ITFG1: variants seen among roughly 807,000 people sequenced by gnomAD.
The protein encoded by ITFG1 is integrin alpha FG-GAP repeat containing 1.
ITFG1 carries 34 observed loss-of-function variants against 81.8 expected under a neutral mutation model. That is an observed-to-expected ratio of 0.42 (90% CI 0.32 to 0.55). The LOEUF is 0.55. Ranked by LOEUF, ITFG1 falls within the 20% of genes least tolerant of loss-of-function variation. The pLI, the probability that ITFG1 is intolerant of heterozygous loss-of-function variation, is 0.17. For missense variants in ITFG1, 672 were observed against 755.4 expected (o/e 0.89, Z 1.29); for synonymous variants, 285 against 270.6 (o/e 1.05, Z -0.52).
rs569274796 is a variant in ITFG1, at chr16:47,382,340, C to T, written c.656-6400G>A. On this transcript the variant is annotated intron_variant, in intron 6 of 17. Transcript: ENST00000320640. Reference sequence around the variant, plus strand: ...TAATTTAGTAAGATGATATCAGAAACGTGCTTGAATTGTTCCCCATTCACA... The same window carrying T: ...TAATTTAGTAAGATGATATCAGAAATGTGCTTGAATTGTTCCCCATTCACA... 3.0e-4 allele frequency among the ~76,000 whole-genome samples: 45 copies of T among 152,296 alleles called. No individual in the cohort carries two copies. The Middle Eastern group carries it at 0.017, about 58-fold the overall frequency.
At chr16:47,286,725 T>C (rs1478001195) in intron 10 of ITFG1, among the ~76,000 whole-genome samples, 1 of 151,874 alleles carries the variant, frequency 6.6e-6, no homozygotes, top group Non-Finnish European at 1.5e-5. Flanking sequence ...AGGAAATAGG[T>C]CCTTAAGTCC....
intron 9 of ITFG1, chr16:47,313,155 G>T (rs1216622706): frequency 6.6e-6 from 1 of 152,244 alleles, no homozygotes; most frequent in Non-Finnish European, 1.5e-5. Context: ...ACTGTGTGAA[G>T]ATTTGTTTTC....
chr16:47,438,248 C>T (rs527709345), intron 5 of ITFG1, among the ~76,000 whole-genome samples: 1 of 152,352 alleles, frequency 6.6e-6, no homozygotes, highest in South Asian at 2.1e-4. Context: ...TCTGTAGGCT[C>T]CACCGCTGGG....
Position 47,431,645 on chromosome 16 carries a change from A to G in ITFG1, c.561-2747T>C, listed in dbSNP as rs536742315. On this transcript the variant is annotated intron_variant, in intron 5 of 17. Coordinates refer to ENST00000320640, the MANE Select transcript of ITFG1 (RefSeq NM_030790.5). ...CAAAATTGTAAATGTACTAAATGAT[A>G]CTAAATTGTACACTTTATCAATTAT... 2.0e-5 allele frequency among the ~76,000 whole-genome samples: 3 copies of G among 152,274 alleles called. No homozygotes were observed. The South Asian group carries it at 6.2e-4, about 32-fold the overall frequency.
intron 13 of ITFG1, among the ~76,000 whole-genome samples, chr16:47,223,534 A>G (rs1965719431): frequency 6.6e-6 from 1 of 152,232 alleles, no homozygotes; most frequent in Non-Finnish European, 1.5e-5. Context: ...CACACCAGTT[A>G]GAATGGCAAT....
chr16:47,350,591 C>G (rs1265256882), intron 8 of ITFG1, among the ~76,000 whole-genome samples: 1 of 151,970 alleles, frequency 6.6e-6, no homozygotes, highest in African/African-American at 2.4e-5. Context: ...CAACCAAAAA[C>G]AGTCCAGGAC....
intron 6 of ITFG1, among the ~76,000 whole-genome samples, chr16:47,407,398 C>A (rs1378721267): frequency 6.6e-6 from 1 of 152,192 alleles, no homozygotes. Flanking sequence ...GTCACTCAGG[C>A]TGGAGTGCAG....
chr16:47,461,055 T>A lies in ITFG1; in HGVS notation c.-10A>T, dbSNP rs1200160489. Reference sequence around the variant, plus strand: ...GGCCCGCCGCCGCCATGGCAGCCCCTCAGCCCCCGCCCGCCGGCCCAACGC... The same window carrying A: ...GGCCCGCCGCCGCCATGGCAGCCCCACAGCCCCCGCCCGCCGGCCCAACGC... On this transcript the variant is annotated 5_prime_UTR_variant, in exon 1 of 18. Transcript: ENST00000320640. The A allele has an allele frequency of 2.0e-6, 3 of 1,529,768 alleles. No homozygotes were observed. Among genetic ancestry groups the A allele is most frequent in the Non-Finnish European group, 2.6e-6 (3 of 1,142,406 alleles). 94.8% of individuals were successfully genotyped at this position (1,529,768 alleles called of 1,614,324 possible).
intron 10 of ITFG1, chr16:47,263,088 A>G: frequency 4.2e-6 from 1 of 238,410 alleles, no homozygotes. Flanking sequence ...CTTTGAAATA[A>G]GGAATGCATC....
intron 8 of ITFG1, among the ~76,000 whole-genome samples, chr16:47,316,401 T>C (rs1967359283): frequency 1.3e-5 from 2 of 152,202 alleles, no homozygotes; most frequent in South Asian, 2.1e-4. Context: ...TTCGGAACCA[T>C]GTATATAAGT....
At chr16:47,292,744 T>C (rs944810447) in intron 10 of ITFG1, among the ~76,000 whole-genome samples, 4 of 152,188 alleles carry the variant, frequency 2.6e-5, no homozygotes, top group Non-Finnish European at 5.9e-5. Context: ...ACTTTGTTTC[T>C]GAATTGTTTA....
intron 12 of ITFG1, among the ~76,000 whole-genome samples, chr16:47,255,321 C>T (rs538318630): frequency 6.6e-6 from 1 of 152,308 alleles, no homozygotes; most frequent in East Asian, 1.9e-4. Context: ...ATGTGTTACT[C>T]TTTCTGTGCA....
intron 14 of ITFG1, among the ~76,000 whole-genome samples, chr16:47,205,701 C>A (rs573069752): frequency 1.7e-4 from 26 of 152,168 alleles, no homozygotes; most frequent in Non-Finnish European, 2.8e-4. Context: ...CATACTTCAA[C>A]AGACTTCATC....
intron 12 of ITFG1, among the ~76,000 whole-genome samples, chr16:47,257,033 T>C (rs543026316): frequency 6.6e-6 from 1 of 152,312 alleles, no homozygotes; most frequent in South Asian, 2.1e-4. Flanking sequence ...ACCAAAAAAC[T>C]CTATAGCTAA....
chr16:47,319,505 C>T (rs970404715), intron 8 of ITFG1, among the ~76,000 whole-genome samples: 4 of 152,168 alleles, frequency 2.6e-5, no homozygotes, highest in South Asian at 2.1e-4. Context: ...CACTGCTTTT[C>T]GTCAACACAA....
intron 6 of ITFG1, among the ~76,000 whole-genome samples, chr16:47,380,456 G>A (rs1196933357): frequency 6.6e-6 from 1 of 152,182 alleles, no homozygotes; most frequent in African/African-American, 2.4e-5. Context: ...TTAAATTACA[G>A]TGTAAACTTA....
At position 47,361,940 on chromosome 16, in the gene ITFG1, C is replaced by G. The variant is rs560314776; in HGVS notation, c.802+3848G>C. 2.0e-5 allele frequency among the ~76,000 whole-genome samples: 3 copies of G among 152,234 alleles called. No homozygotes were observed. In the East Asian group the frequency reaches 5.8e-4, roughly 29 times the overall value. Reference sequence around the variant, plus strand: ...CTTCCCTCTTAAAGGGCTCTCACACCTGCCCTGGCTTTTTCCCTCATCTTA... The same window carrying G: ...CTTCCCTCTTAAAGGGCTCTCACACGTGCCCTGGCTTTTTCCCTCATCTTA... On this transcript the variant is annotated intron_variant, in intron 8 of 17. Transcript: ENST00000320640.
At chr16:47,161,305 C>T (rs1964801730) in intron 16 of ITFG1, among the ~76,000 whole-genome samples, 1 of 152,202 alleles carries the variant, frequency 6.6e-6, no homozygotes, top group South Asian at 2.1e-4. Context: ...CTGGCTCCTA[C>T]TCTTGCAGTC....
At chr16:47,393,995 A>G (rs572480241) in intron 6 of ITFG1, among the ~76,000 whole-genome samples, 21 of 152,326 alleles carry the variant, frequency 1.4e-4, no homozygotes, top group Non-Finnish European at 2.1e-4. Flanking sequence ...TTTTTAAAAT[A>G]CTTGGATCTG....
Sources: gnomAD v4.1 joint callset for allele counts (sites outside exome capture counted in the v4.1 genomes callset) on GRCh38, gnomAD v4.1.1 for gene constraint, MANE v1.5 for transcripts, NCBI Gene and HGNC (gene_info 2026-07-23, HGNC 2026-07-21) for gene names.